The following AFAP1L2 variants were observed in gnomAD, a reference collection of about 807,000 sequenced individuals.
AFAP1L2 encodes actin filament associated protein 1 like 2.
A neutral mutation model predicts 99.3 loss-of-function variants in AFAP1L2; 46 were observed. The ratio of observed to expected loss-of-function variants is 0.46; its 90% confidence interval spans 0.37 to 0.59. The LOEUF is 0.59. AFAP1L2 is among the 20% of genes least tolerant of loss of function. AFAP1L2 has a pLI of 0.00. For missense variants in AFAP1L2, 959 were observed against 1,034.9 expected (o/e 0.93, Z 1.01); for synonymous variants, 397 against 419.1 (o/e 0.95, Z 0.64).
chr10:114,330,183 ATCC>A, intron 4 of AFAP1L2, among the ~76,000 whole-genome samples: 1 of 152,152 alleles, frequency 6.6e-6, no homozygotes, highest in Non-Finnish European at 1.5e-5. Flanking sequence ...GTAGAGTCAG[ATCC>A]TCAGCTGTGG....
At chr10:114,401,624 T>C (rs1460236434) in intron 1 of AFAP1L2, among the ~76,000 whole-genome samples, 1 of 152,152 alleles carries the variant, frequency 6.6e-6, no homozygotes, top group Non-Finnish European at 1.5e-5. Context: ...GACTCCCACA[T>C]ACTCCCCGAT....
Position 114,304,830 on chromosome 10 carries a change from C to T in AFAP1L2, c.1173G>A (p.Val391=). Residue 391 remains valine, a synonymous_variant, in exon 11 of 19, where the codon GTG becomes GTA. Transcript: ENST00000304129. ...HFYQDRNRSK[V]AQQPLSLVGC... is the part of the protein sequence containing the mutation. ...CCACCAGGCTGAGGGGTTGCTGGGCCACCTTGCTCCGGTTCCGGTCCTGGT... is the reference window on the plus strand; with the variant it reads ...CCACCAGGCTGAGGGGTTGCTGGGCTACCTTGCTCCGGTTCCGGTCCTGGT... 1.2e-6 allele frequency: 2 copies of T among 1,613,464 alleles called. No homozygotes were observed. The highest frequency in any genetic ancestry group is 1.7e-6 in the Non-Finnish European group (2 of 1,180,026).
intron 1 of AFAP1L2, among the ~76,000 whole-genome samples, chr10:114,369,675 G>T (rs1400555625): frequency 6.6e-6 from 1 of 150,582 alleles, no homozygotes; most frequent in African/African-American, 2.4e-5. Context: ...GAGCCCTCAT[G>T]AACCCATTTC....
rs530054022 is a variant in AFAP1L2 at position 114,311,781 on chromosome 10, G to A, written c.793-1338C>T. 2.5e-3 allele frequency among the ~76,000 whole-genome samples: 387 copies of A among 152,292 alleles called. 2 individuals carry two copies. Among genetic ancestry groups the A allele is most frequent in the African/African-American group, 8.5e-3 (353 of 41,556 alleles). ...CCTTGTGCCTTCCTTTACTGGGACCGTCGTCCCATAGTCAGCATCTCCCGT... is the reference window on the plus strand; with the variant it reads ...CCTTGTGCCTTCCTTTACTGGGACCATCGTCCCATAGTCAGCATCTCCCGT... On this transcript the variant is annotated intron_variant, in intron 7 of 18. Transcript: ENST00000304129.
chr10:114,312,791 C>G (rs576349451), intron 7 of AFAP1L2, among the ~76,000 whole-genome samples: 140 of 152,300 alleles, frequency 9.2e-4, no homozygotes, highest in African/African-American at 3.0e-3. Context: ...TTCTACATAC[C>G]ACTGTCTTTC....
intron 7 of AFAP1L2, among the ~76,000 whole-genome samples, chr10:114,310,708 C>T (rs754471013): frequency 4.6e-5 from 7 of 152,152 alleles, no homozygotes; most frequent in Admixed American, 2.6e-4. Context: ...CGAGGGGGGG[C>T]CTTGGCAGCA....
At position 114,377,998 on chromosome 10, in the gene AFAP1L2, G is replaced by A. The variant is rs929983518; in HGVS notation, c.16+26442C>T. 5.9e-5 allele frequency among the ~76,000 whole-genome samples: 9 copies of A among 152,136 alleles called. No homozygotes were observed. Among genetic ancestry groups the A allele is most frequent in the African/African-American group, 1.2e-4 (5 of 41,436 alleles). On this transcript the variant is annotated intron_variant, in intron 1 of 18. Coordinates refer to ENST00000304129, the MANE Select transcript of AFAP1L2 (RefSeq NM_001001936.3). The surrounding 1 kb of genome is among the most constrained non-coding windows in gnomAD (Gnocchi z 4.0). ...ACGATAGGCTGTGTCGCTATTTGCC[G>A]TAAAGCCTCCCAGGCAAGGAGGGCT...
chr10:114,290,043 G>A, downstream of AFAP1L2: 1 of 558,672 alleles, frequency 1.8e-6, no homozygotes, highest in Non-Finnish European at 3.0e-6. Flanking sequence ...CTGAGCAATG[G>A]ACTCTCCATG....
chr10:114,299,924 C>T (rs992277670), intron 15 of AFAP1L2, among the ~76,000 whole-genome samples: 2 of 152,168 alleles, frequency 1.3e-5, no homozygotes, highest in African/African-American at 4.8e-5. Context: ...AGTGATTTGC[C>T]AGGGGCTCTC....
At chr10:114,284,917 T>G in the AFAP1L2 span, 2 of 1,605,506 alleles carry the variant, frequency 1.2e-6, no homozygotes, top group Non-Finnish European at 1.7e-6. Flanking sequence ...CCAGAAGGAC[T>G]GGACGGCTAC....
intron 1 of AFAP1L2, among the ~76,000 whole-genome samples, chr10:114,345,230 G>T (rs976757126): frequency 1.3e-5 from 2 of 152,090 alleles, no homozygotes; most frequent in Non-Finnish European, 2.9e-5. Flanking sequence ...AGGTGGGTGG[G>T]GGTGGGCCTC....
At chr10:114,394,178 C>G (rs190416891) in intron 1 of AFAP1L2, among the ~76,000 whole-genome samples, 1 of 152,308 alleles carries the variant, frequency 6.6e-6, no homozygotes, top group Admixed American at 6.5e-5. Context: ...TAGCAAATAG[C>G]TCTGGACCTG....
chr10:114,361,226 G>A (rs1019481214), intron 1 of AFAP1L2, among the ~76,000 whole-genome samples: 1 of 152,150 alleles, frequency 6.6e-6, no homozygotes, highest in African/African-American at 2.4e-5. Context: ...AATTCAAGAA[G>A]AGATTTGAGT....
chr10:114,309,272 C>T (rs959116830), intron 8 of AFAP1L2, among the ~76,000 whole-genome samples: 2 of 152,210 alleles, frequency 1.3e-5, no homozygotes, highest in Non-Finnish European at 2.9e-5. Flanking sequence ...CTTTTGTTTT[C>T]TTGTCAGTGG....
intron 5 of AFAP1L2, among the ~76,000 whole-genome samples, chr10:114,320,576 C>T (rs2045049604): frequency 6.6e-6 from 1 of 152,230 alleles, no homozygotes; most frequent in East Asian, 1.9e-4. Flanking sequence ...TCCCACCTCG[C>T]AGCTGGTTTT....
At chr10:114,284,029 T>C in the AFAP1L2 span, among the ~76,000 whole-genome samples, 1 of 152,238 alleles carries the variant, frequency 6.6e-6, no homozygotes, top group African/African-American at 2.4e-5. Context: ...CCTTGTTTGT[T>C]TTCTGTAACC....
chr10:114,368,789 C>G (rs1485642313), intron 1 of AFAP1L2, among the ~76,000 whole-genome samples: 1 of 151,226 alleles, frequency 6.6e-6, no homozygotes, highest in Admixed American at 6.6e-5. Flanking sequence ...CACACACACA[C>G]ACACACACAC....
At chr10:114,362,327 A>G (rs1368716422) in intron 1 of AFAP1L2, among the ~76,000 whole-genome samples, 4 of 152,192 alleles carry the variant, frequency 2.6e-5, no homozygotes, top group African/African-American at 9.7e-5. Flanking sequence ...TTAAAGTTGG[A>G]TCTTTGCAGA....
chr10:114,301,469 G>C lies in AFAP1L2; in HGVS notation c.1431-4C>G. Reference sequence around the variant, plus strand: ...TGAGAACTTTCTCTGCATCAGTCTGGAAACAGGGCGAGGTGGCACACATGA... The same window carrying C: ...TGAGAACTTTCTCTGCATCAGTCTGCAAACAGGGCGAGGTGGCACACATGA... On this transcript the variant is annotated splice_region_variant and splice_polypyrimidine_tract_variant and intron_variant, in intron 12 of 18. Coordinates refer to ENST00000304129, the MANE Select transcript of AFAP1L2 (RefSeq NM_001001936.3). The C allele has an allele frequency of 4.4e-6, 7 of 1,605,084 alleles. No individual in the cohort carries two copies. The highest frequency in any genetic ancestry group is 6.0e-6 in the Non-Finnish European group (7 of 1,171,666).
Sources: allele counts gnomAD v4.1 joint callset (sites outside exome capture counted in the v4.1 genomes callset), GRCh38; gene constraint gnomAD v4.1.1; non-coding constraint Gnocchi (gnomAD v3.1); transcripts MANE v1.5; gene names NCBI Gene and HGNC (gene_info 2026-07-23, HGNC 2026-07-21).